The following RANBP17 variants were observed in gnomAD, a reference collection of about 807,000 sequenced individuals.
RANBP17 encodes the protein RAN binding protein 17, also known as ran-binding protein 17.
A neutral mutation model predicts 141.2 loss-of-function variants in RANBP17; 158 were observed. The observed-to-expected ratio is 1.12, with a 90% CI of 0.98 to 1.28. The LOEUF (loss-of-function observed/expected upper bound fraction) is 1.28, where lower values mean the gene tolerates loss of function less well. Ranked by LOEUF, RANBP17 falls within the 50% of genes most tolerant of loss-of-function variation. The pLI, the probability that RANBP17 is intolerant of heterozygous loss-of-function variation, is 0.00. For synonymous variants in RANBP17, 430 were observed against 450.0 expected, an observed-to-expected ratio of 0.96 and a Z score of 0.56; for missense variants, 1,438 against 1,290.7, an observed-to-expected ratio of 1.11 and a Z score of -1.75.
At chr5:171,135,679 A>T (rs1288201026) in intron 14 of RANBP17, among the ~76,000 whole-genome samples, 3 of 152,232 alleles carry the variant, frequency 2.0e-5, no homozygotes, top group Non-Finnish European at 2.9e-5. Context: ...TGGTTAAAAA[A>T]TAATTATAAA....
At chr5:171,193,696 T>C (rs1343876452) in intron 18 of RANBP17, among the ~76,000 whole-genome samples, 2 of 152,188 alleles carry the variant, frequency 1.3e-5, no homozygotes, top group African/African-American at 4.8e-5. Context: ...ATGGCCTCCC[T>C]TTCTCCAGCA....
intron 14 of RANBP17, among the ~76,000 whole-genome samples, chr5:171,034,169 T>A (rs1781726056): frequency 6.6e-6 from 1 of 152,120 alleles, no homozygotes; most frequent in African/African-American, 2.4e-5. Flanking sequence ...AGCCAGAAAT[T>A]AGCATATGTT....
At chr5:171,086,936 T>G (rs201246169) in intron 14 of RANBP17, among the ~76,000 whole-genome samples, 7,040 of 132,924 alleles carry the variant, frequency 0.053, 236 homozygotes, top group East Asian at 0.11. Context: ...ATTGATTTTT[T>G]GAAGGGTTTT....
intron 18 of RANBP17, among the ~76,000 whole-genome samples, chr5:171,197,794 T>C (rs1762061565): frequency 6.6e-6 from 1 of 151,998 alleles, no homozygotes; most frequent in Non-Finnish European, 1.5e-5. Context: ...ATCCCAGCAA[T>C]TTGGGAGGCC....
intron 14 of RANBP17, among the ~76,000 whole-genome samples, chr5:171,039,485 G>A (rs1782116843): frequency 6.6e-6 from 1 of 151,674 alleles, no homozygotes; most frequent in Admixed American, 6.6e-5. Context: ...CTGGATATTA[G>A]ACCTTTGTTG....
At chr5:171,106,766 A>G (rs1339570571) in intron 14 of RANBP17, among the ~76,000 whole-genome samples, 1 of 152,186 alleles carries the variant, frequency 6.6e-6, no homozygotes, top group Admixed American at 6.5e-5. Context: ...TTGCTGTAAA[A>G]TGTCCCAATG....
intron 14 of RANBP17, among the ~76,000 whole-genome samples, chr5:170,973,172 A>G (rs1305942804): frequency 6.6e-6 from 1 of 152,170 alleles, no homozygotes; most frequent in Non-Finnish European, 1.5e-5. Flanking sequence ...TAAAGGGAAC[A>G]TGGACAAGTA....
At chr5:170,998,130 C>T (rs1391467484) in intron 14 of RANBP17, among the ~76,000 whole-genome samples, 2 of 151,328 alleles carry the variant, frequency 1.3e-5, no homozygotes, top group Admixed American at 1.3e-4. Context: ...TCACAGTTAA[C>T]TTGATTATAT....
At chr5:171,147,789 C>T (rs1758166377) in intron 14 of RANBP17, among the ~76,000 whole-genome samples, 1 of 152,202 alleles carries the variant, frequency 6.6e-6, no homozygotes, top group Admixed American at 6.5e-5. Flanking sequence ...CCCCGCCCGG[C>T]CAGCCGCCCC....
At chr5:170,863,563 C>G (rs548133811) in intron 1 of RANBP17, 1 of 152,316 alleles carries the variant, frequency 6.6e-6, no homozygotes, top group Non-Finnish European at 1.5e-5. Flanking sequence ...TGTATTACCA[C>G]TTTAGTAAAT....
intron 4 of RANBP17, among the ~76,000 whole-genome samples, chr5:170,895,184 A>G (rs1770012431): frequency 6.6e-6 from 1 of 152,182 alleles, no homozygotes; most frequent in Non-Finnish European, 1.5e-5. Context: ...TTCTGAGATA[A>G]TTTGAATTTA....
At chr5:171,279,784 CAG>C (rs1340432448) in intron 25 of RANBP17, among the ~76,000 whole-genome samples, 1 of 152,044 alleles carries the variant, frequency 6.6e-6, no homozygotes, top group Non-Finnish European at 1.5e-5. Flanking sequence ...GAGACCTATG[CAG>C]AGATTCAGAG....
At chr5:170,872,819 T>C (rs1767861296) in intron 1 of RANBP17, among the ~76,000 whole-genome samples, 1 of 152,250 alleles carries the variant, frequency 6.6e-6, no homozygotes, top group African/African-American at 2.4e-5. Flanking sequence ...GCTCTGTTTA[T>C]GTGATGGATT....
chr5:171,088,252 G>C (rs1467717303), intron 14 of RANBP17, among the ~76,000 whole-genome samples: 1 of 151,918 alleles, frequency 6.6e-6, no homozygotes, highest in Non-Finnish European at 1.5e-5. Context: ...ATGAAATTCT[G>C]GGTTGAAAAT....
intron 14 of RANBP17, among the ~76,000 whole-genome samples, chr5:171,070,348 A>G (rs1171998540): frequency 6.6e-6 from 1 of 152,156 alleles, no homozygotes; most frequent in East Asian, 1.9e-4. Flanking sequence ...CCTCAAAGAA[A>G]GTTTTAGCAC....
At chr5:171,216,646 C>G (rs1234256044) in intron 21 of RANBP17, among the ~76,000 whole-genome samples, 1 of 152,064 alleles carries the variant, frequency 6.6e-6, no homozygotes, top group Non-Finnish European at 1.5e-5. Flanking sequence ...AGTTCTGTTC[C>G]TAAGTATTGT....
chr5:171,112,523 A>G (rs1457041966), intron 14 of RANBP17, among the ~76,000 whole-genome samples: 1 of 152,004 alleles, frequency 6.6e-6, no homozygotes, highest in Non-Finnish European at 1.5e-5. Flanking sequence ...AGACAATACT[A>G]TTTTGGCTAT....
rs549565986 is a variant in RANBP17 at position 170,900,802 on chromosome 5, GT to G, written c.489+4690del. Among the ~76,000 whole-genome samples the G allele has an allele frequency of 4.9e-4, 74 of 152,298 alleles. 1 individual carries two copies. The highest frequency in any genetic ancestry group is 1.7e-3 in the African/African-American group (71 of 41,562). Reference sequence around the variant, plus strand: ...TAGTCATTCAGGAGCAGGTTGTTCAGTTTCCATGTAGTTGTGCAGTTTTGAG... The same window carrying G: ...TAGTCATTCAGGAGCAGGTTGTTCAGTTCCATGTAGTTGTGCAGTTTTGAG... On this transcript the variant is annotated intron_variant, in intron 5 of 27. Transcript: ENST00000523189.
At position 171,277,645 on chromosome 5, in the gene RANBP17, A is replaced by ATATATATATATATT. The variant is rs1561823435; in HGVS notation, c.2943+11811_2943+11812insTTATATATATATAT. ...CGTATACATATATGTATGTATATAT[A>ATATATATATATATT]TATATATATATATATATATATATTT... On this transcript the variant is annotated intron_variant, in intron 25 of 27. Coordinates refer to ENST00000523189, the MANE Select transcript of RANBP17 (RefSeq NM_022897.5). 6.2e-4 allele frequency among the ~76,000 whole-genome samples: 75 copies of ATATATATATATATT among 120,606 alleles called. 2 individuals carry two copies. Among genetic ancestry groups the ATATATATATATATT allele is most frequent in the African/African-American group, 2.4e-3 (75 of 31,088 alleles). 79.1% of individuals were successfully genotyped at this position (120,606 alleles called of 152,430 possible). A position where few individuals can be genotyped will look rare whatever the true frequency, so the allele number is the denominator to read the frequency against.
Sources: gnomAD v4.1 joint callset for allele counts (sites outside exome capture counted in the v4.1 genomes callset) on GRCh38, gnomAD v4.1.1 for gene constraint, MANE v1.5 for transcripts, NCBI Gene and HGNC (gene_info 2026-07-23, HGNC 2026-07-21) for gene names.